CDH17: variants seen among roughly 807,000 people sequenced by gnomAD.
CDH17 encodes the protein cadherin-17.
CDH17 carries 67 observed loss-of-function variants against 86.3 expected under a neutral mutation model. The ratio of observed to expected loss-of-function variants is 0.78; its 90% confidence interval spans 0.64 to 0.95. The LOEUF is 0.95. Ranked by LOEUF, CDH17 falls within the 40% of genes least tolerant of loss-of-function variation. CDH17 has a pLI of 0.00. For missense variants in CDH17, 993 were observed against 1,017.6 expected (o/e 0.98, Z 0.33); for synonymous variants, 367 against 366.4 (o/e 1.00, Z -0.02).
chr8:94,192,375 G>A (rs1464809860), intron 2 of CDH17, among the ~76,000 whole-genome samples: 3 of 152,210 alleles, frequency 2.0e-5, no homozygotes, highest in Non-Finnish European at 4.4e-5. Context: ...GAAAGGAAGA[G>A]AATGGAACTG....
chr8:94,142,302 C>A (rs1032834398), intron 15 of CDH17, among the ~76,000 whole-genome samples: 3 of 152,164 alleles, frequency 2.0e-5, no homozygotes, highest in Admixed American at 2.0e-4. Context: ...ATACTATACT[C>A]TAGACTGTTA....
intron 7 of CDH17, among the ~76,000 whole-genome samples, chr8:94,172,043 CCTCTCTCTTTCTCCCT>C: frequency 7.0e-6 from 1 of 142,720 alleles, no homozygotes; most frequent in Non-Finnish European, 1.5e-5. Context: ...CCCCTCTCCC[CCTCTCTCTTTCTCCCT>C]CTCTCCTTTT....
chr8:94,132,677 C>T lies in CDH17; in HGVS notation c.2168-1685G>A, dbSNP rs57553256. Among the ~76,000 whole-genome samples, 2,171 of 152,194 alleles carry T rather than the reference C, an allele frequency of 0.014. 169 individuals carry two copies. The East Asian group carries it at 0.24, about 17-fold the overall frequency. ...CAGAAGCTCTTTAGTTTAATTAGAT[C>T]CCATTTGTCAAGTTTGTCTTTTGTT... is the stretch of plus-strand genomic sequence containing the variant. On this transcript the variant is annotated intron_variant, in intron 15 of 17. Transcript: ENST00000027335.
chr8:94,167,382 C>A (rs1400335994), intron 9 of CDH17, among the ~76,000 whole-genome samples: 1 of 152,100 alleles, frequency 6.6e-6, no homozygotes, highest in South Asian at 2.1e-4. Flanking sequence ...TGGAGTTACA[C>A]CCCCTCCCCC....
chr8:94,155,494 T>C (rs1331249412), intron 12 of CDH17, among the ~76,000 whole-genome samples: 1 of 152,238 alleles, frequency 6.6e-6, no homozygotes, highest in East Asian at 1.9e-4. Context: ...ACAGAGCACA[T>C]GCATCCATCC....
At chr8:94,135,485 C>T (rs1433942844) in intron 15 of CDH17, among the ~76,000 whole-genome samples, 1 of 152,086 alleles carries the variant, frequency 6.6e-6, no homozygotes. Context: ...GCGATCCCTG[C>T]TTTTTTTGCT....
At chr8:94,165,656 T>C in intron 10 of CDH17, 105 bp downstream of exon 10, 2 of 796,418 alleles carry the variant, frequency 2.5e-6, no homozygotes. Context: ...AAAGAATGTT[T>C]AAATGGCATC....
At chr8:94,167,293 T>C (rs1046852968) in intron 9 of CDH17, among the ~76,000 whole-genome samples, 2 of 152,148 alleles carry the variant, frequency 1.3e-5, no homozygotes, top group East Asian at 1.9e-4. Context: ...CATCCTACTC[T>C]GGGAGGTGGG....
At chr8:94,141,211 C>T (rs1460716283) in intron 15 of CDH17, among the ~76,000 whole-genome samples, 1 of 151,196 alleles carries the variant, frequency 6.6e-6, no homozygotes, top group African/African-American at 2.4e-5. Context: ...TCAAATCAGC[C>T]ACATAGTCAA....
chr8:94,166,360 C>G (rs918218852), intron 9 of CDH17, among the ~76,000 whole-genome samples: 12 of 152,146 alleles, frequency 7.9e-5, no homozygotes, highest in African/African-American at 2.9e-4. Context: ...TCCACATTTC[C>G]TCTTATAAGG....
Position 94,174,272 on chromosome 8 carries a change from G to T in CDH17, c.425-12C>A. 2 of 1,466,070 alleles carry T rather than the reference G, an allele frequency of 1.4e-6. No individual in the cohort carries two copies. The highest frequency in any genetic ancestry group is 3.0e-5 in the South Asian group (2 of 67,708). 90.8% of individuals were successfully genotyped at this position (1,466,070 alleles called of 1,614,324 possible). A position where few individuals can be genotyped will look rare whatever the true frequency, so the allele number is the denominator to read the frequency against. On this transcript the variant is annotated splice_polypyrimidine_tract_variant and intron_variant, in intron 5 of 17. Coordinates refer to ENST00000027335, the MANE Select transcript of CDH17 (RefSeq NM_004063.4). The stretch of plus-strand genomic sequence containing the variant: ...CAAGAAGGGCTTTCCTGTTTAACAA[G>T]ACGTACCCAGAAAAAAAAAAAAAAA...
At chr8:94,150,766 T>C (rs922135954) in intron 13 of CDH17, among the ~76,000 whole-genome samples, 6 of 152,224 alleles carry the variant, frequency 3.9e-5, no homozygotes, top group Non-Finnish European at 8.8e-5. Flanking sequence ...ACCAATGGTT[T>C]TTATAGCATT....
At chr8:94,202,753 G>A (rs1034797333) in intron 1 of CDH17, 2 of 159,958 alleles carry the variant, frequency 1.3e-5, no homozygotes, top group African/African-American at 4.8e-5. Flanking sequence ...GGCATTTTGT[G>A]AAGTTTAAAT....
At chr8:94,216,456 C>A (rs1430000764) in intron 1 of CDH17, among the ~76,000 whole-genome samples, 4 of 151,958 alleles carry the variant, frequency 2.6e-5, no homozygotes, top group Non-Finnish European at 4.4e-5. Context: ...AGGAGGCCGG[C>A]GGAGGACCCT....
chr8:94,157,920 T>C, intron 12 of CDH17, among the ~76,000 whole-genome samples: 1 of 152,146 alleles, frequency 6.6e-6, no homozygotes, highest in Non-Finnish European at 1.5e-5. Flanking sequence ...GTTACGAGTA[T>C]AGTGTATCCC....
chr8:94,190,077 A>T (rs1005677864), intron 2 of CDH17, among the ~76,000 whole-genome samples: 6 of 152,234 alleles, frequency 3.9e-5, no homozygotes, highest in African/African-American at 1.4e-4. Flanking sequence ...CACACTTGCT[A>T]AGTTAGTACA....
intron 1 of CDH17, among the ~76,000 whole-genome samples, chr8:94,200,628 C>T (rs1430513854): frequency 7.0e-6 from 1 of 142,090 alleles, no homozygotes; most frequent in Non-Finnish European, 1.5e-5. Flanking sequence ...GCCCCTCACC[C>T]AATGGGCACC....
At chr8:94,179,182 A>G (rs534603763) in intron 3 of CDH17, among the ~76,000 whole-genome samples, 5 of 152,242 alleles carry the variant, frequency 3.3e-5, no homozygotes, top group Middle Eastern at 3.4e-3. Context: ...AAGCGTTTGT[A>G]GCTTCCCAAA....
In CDH17 at chr8:94,177,685, T is replaced by C; in HGVS notation, c.187A>G (p.Thr63Ala). 1 of 1,613,802 alleles carries C rather than the reference T, an allele frequency of 6.2e-7. No individual in the cohort carries two copies. Among genetic ancestry groups the C allele is most frequent in the Non-Finnish European group, 8.5e-7 (1 of 1,179,804 alleles). ...ANPPAVTFELTGETDNIFVIE... is the reference protein window; with the variant it reads ...ANPPAVTFELAGETDNIFVIE... The stretch of plus-strand genomic sequence containing the variant: ...ACAAATATGTTGTCTGTCTCCCCAG[T>C]TAGTTCAAAAGTCACAGCAGGAGGA... The change falls in exon 4 of 18, where the codon ACT (threonine) becomes GCT (alanine). Residue 63 changes from threonine to alanine, a missense_variant. By Grantham distance (58) the Thr-to-Ala change is moderately conservative. Transcript: ENST00000027335.
Sources: allele counts gnomAD v4.1 joint callset (sites outside exome capture counted in the v4.1 genomes callset), GRCh38; gene constraint gnomAD v4.1.1; transcripts MANE v1.5; gene names NCBI Gene and HGNC (gene_info 2026-07-23, HGNC 2026-07-21).